Variants in NBDY observed in about 807,000 individuals in gnomAD.
NBDY encodes the protein negative regulator of P-body association, also known as P-body dissociating protein.
chrX:56,765,890 T>C (rs1348332700), intron 2 of NBDY, among the ~76,000 whole-genome samples: 8 of 111,030 alleles, frequency 7.2e-5, no homozygotes, highest in Non-Finnish European at 1.5e-4. Flanking sequence ...CTTGCGGATC[T>C]GGGTGGGCAC....
chrX:56,783,696 C>A (rs934663303), intron 2 of NBDY, among the ~76,000 whole-genome samples: 6 of 112,693 alleles, frequency 5.3e-5, no homozygotes, highest in Non-Finnish European at 1.1e-4. Flanking sequence ...GGCAAGTGTC[C>A]CTGCAGCCTG....
At chrX:56,815,678 A>G (rs2069907629) in intron 2 of NBDY, among the ~76,000 whole-genome samples, 1 of 111,974 alleles carries the variant, frequency 8.9e-6, no homozygotes, top group African/African-American at 3.2e-5. Context: ...TGGTGGACAC[A>G]TTTGCTGGAA....
At chrX:56,729,722 G>T (rs1394361442) in intron 1 of NBDY, 133 bp downstream of exon 1, 1 of 279,869 alleles carries the variant, frequency 3.6e-6, no homozygotes, top group African/African-American at 2.8e-5. Flanking sequence ...GGATTAAGCA[G>T]CTCTTTCACA....
At chrX:56,795,632 G>A (rs1175815791) in intron 2 of NBDY, among the ~76,000 whole-genome samples, 2 of 112,121 alleles carry the variant, frequency 1.8e-5, no homozygotes, top group Non-Finnish European at 3.8e-5. Context: ...TCAGGGGTGC[G>A]TGAACCACTC....
chrX:56,735,265 T>C (rs977628311), intron 2 of NBDY, among the ~76,000 whole-genome samples: 5 of 112,613 alleles, frequency 4.4e-5, no homozygotes, highest in African/African-American at 1.6e-4. Flanking sequence ...TAATTTATAA[T>C]GAACACAAAA....
intron 2 of NBDY, among the ~76,000 whole-genome samples, chrX:56,736,313 GAAGTGCAGTGGCGC>G (rs1444656640): frequency 1.8e-5 from 2 of 112,081 alleles, no homozygotes; most frequent in Non-Finnish European, 1.9e-5. Flanking sequence ...CGCTCAGGCT[GAAGTGCAGTGGCGC>G]AATCTAGGCC....
At chrX:56,761,025 C>T (rs190247041) in intron 2 of NBDY, among the ~76,000 whole-genome samples, 6 of 111,954 alleles carry the variant, frequency 5.4e-5, no homozygotes, top group East Asian at 2.8e-4. Context: ...AGGAGACTGG[C>T]GCGTGCCTAG....
chrX:56,781,345 C>G (rs2069688312), intron 2 of NBDY, among the ~76,000 whole-genome samples: 1 of 111,854 alleles, frequency 8.9e-6, no homozygotes, highest in East Asian at 2.8e-4. Flanking sequence ...CTCTGCCTTC[C>G]CAATATTTGC....
intron 2 of NBDY, among the ~76,000 whole-genome samples, chrX:56,797,109 CCCT>C (rs1470039637): frequency 2.8e-5 from 3 of 107,708 alleles, no homozygotes; most frequent in African/African-American, 6.8e-5. Context: ...CTTTTTCTTT[CCCT>C]CTTCTTCTTT....
intron 2 of NBDY, among the ~76,000 whole-genome samples, chrX:56,786,584 C>T (rs1036972538): frequency 9.1e-6 from 1 of 110,144 alleles, no homozygotes; most frequent in Non-Finnish European, 1.9e-5. Context: ...TCCTTCTCCT[C>T]CATCATCTCC....
chrX:56,736,022 C>T (rs2069488701), intron 2 of NBDY, among the ~76,000 whole-genome samples: 1 of 110,243 alleles, frequency 9.1e-6, no homozygotes, highest in Admixed American at 9.6e-5. Context: ...TAAATATGCT[C>T]TTTATGATAC....
Position 56,731,794 on chromosome X carries a change from A to G in NBDY, c.*30-269A>G, listed in dbSNP as rs182691802. Among the ~76,000 whole-genome samples the G allele has an allele frequency of 3.5e-3, 386 of 111,148 alleles. 1 individual carries two copies. Among genetic ancestry groups the G allele is most frequent in the African/African-American group, 0.012 (372 of 30,605 alleles). On this transcript the variant is annotated intron_variant, in intron 1 of 2. Coordinates refer to ENST00000374922, the MANE Select transcript of NBDY (RefSeq NM_001348129.2). ...TCACAACTCTACTAGAGAAGTTTGT[A>G]TAGACCAAGGGAAGTTGTATGACTT... is the stretch of plus-strand genomic sequence containing the variant.
chrX:56,760,033 G>T (rs1405821178), intron 2 of NBDY, among the ~76,000 whole-genome samples: 1 of 112,625 alleles, frequency 8.9e-6, no homozygotes, highest in Non-Finnish European at 1.9e-5. Flanking sequence ...CCCATCACAA[G>T]ACAGGGTGTC....
At chrX:56,731,903 A>G (rs1193730042) in intron 1 of NBDY, among the ~76,000 whole-genome samples, 160 bp from the exon 2 acceptor site, 2 of 112,032 alleles carry the variant, frequency 1.8e-5, no homozygotes, top group Admixed American at 1.9e-4. Context: ...CTAAACTTCT[A>G]TATAATACAT....
chrX:56,766,675 G>A (rs1384627464), intron 2 of NBDY, among the ~76,000 whole-genome samples: 5 of 111,751 alleles, frequency 4.5e-5, no homozygotes, highest in Non-Finnish European at 9.4e-5. Flanking sequence ...CATTTATTGG[G>A]CAACTAGGGC....
chrX:56,788,784 G>A (rs924207814), intron 2 of NBDY, among the ~76,000 whole-genome samples: 1 of 112,493 alleles, frequency 8.9e-6, no homozygotes, highest in Non-Finnish European at 1.9e-5. Flanking sequence ...TGGCTGGGGG[G>A]CAGCTTCACT....
At chrX:56,767,020 G>T (rs2146725921) in intron 2 of NBDY, among the ~76,000 whole-genome samples, 1 of 112,986 alleles carries the variant, frequency 8.9e-6, no homozygotes, top group African/African-American at 3.2e-5. Context: ...CCATCCCAAG[G>T]TGGTAAACTC....
chrX:56,765,390 T>A (rs747227075), intron 2 of NBDY, among the ~76,000 whole-genome samples: 6 of 112,593 alleles, frequency 5.3e-5, no homozygotes, highest in African/African-American at 1.6e-4. Flanking sequence ...GCTGATGACA[T>A]CTTCAGGGCA....
intron 2 of NBDY, among the ~76,000 whole-genome samples, chrX:56,805,834 ATTATAC>A (rs932972189): frequency 1.4e-4 from 15 of 109,995 alleles, no homozygotes; most frequent in African/African-American, 4.6e-4. Context: ...CTTTTTTTTT[ATTATAC>A]TTAAAGTTCT....
Sources: gnomAD v4.1 joint callset for allele counts (sites outside exome capture counted in the v4.1 genomes callset) on GRCh38, gnomAD v4.1.1 for gene constraint, MANE v1.5 for transcripts, NCBI Gene and HGNC (gene_info 2026-07-23, HGNC 2026-07-21) for gene names.